Variants in ERC1 observed in about 807,000 individuals in gnomAD.
The protein encoded by ERC1 is ELKS/RAB6-interacting/CAST family member 1, also known as RAB6 interacting protein 2.
ERC1 carries 56 observed loss-of-function variants against 132.0 expected under a neutral mutation model. The observed-to-expected ratio is 0.42, with a 90% CI of 0.34 to 0.53. The LOEUF (loss-of-function observed/expected upper bound fraction) is 0.53. ERC1 is among the 20% of genes least tolerant of loss of function. ERC1 has a pLI of 0.03. For synonymous variants in ERC1, 478 were observed against 476.1 expected, an observed-to-expected ratio of 1.00 and a Z score of -0.05; for missense variants, 1,202 against 1,349.9, an observed-to-expected ratio of 0.89 and a Z score of 1.72.
intron 17 of ERC1, among the ~76,000 whole-genome samples, chr12:1,408,997 C>A (rs1307869124): frequency 2.0e-5 from 3 of 151,852 alleles, no homozygotes; most frequent in African/African-American, 4.8e-5. Context: ...AAAAAAAAAA[C>A]CAGTCAGGTA....
At chr12:1,444,472 G>T (rs930358418) in intron 17 of ERC1, 90 bp from the exon 18 acceptor site, 2 of 883,558 alleles carry the variant, frequency 2.3e-6, no homozygotes, top group Admixed American at 2.8e-5. Context: ...TCTTTGACTT[G>T]GAAAGCATAA....
chr12:1,041,841 T>A (rs1484297772), intron 2 of ERC1, among the ~76,000 whole-genome samples: 1 of 152,210 alleles, frequency 6.6e-6, no homozygotes, highest in Non-Finnish European at 1.5e-5. Context: ...AGAGGTTCTT[T>A]GGGTGGGCTG....
intron 15 of ERC1, among the ~76,000 whole-genome samples, chr12:1,342,618 T>G (rs1429209911): frequency 6.6e-6 from 1 of 152,192 alleles, no homozygotes; most frequent in East Asian, 1.9e-4. Flanking sequence ...GTACAGACCC[T>G]CCTAGTCTTT....
intron 13 of ERC1, among the ~76,000 whole-genome samples, chr12:1,255,620 C>CATTTTTTTT (rs1566399407): frequency 5.8e-5 from 5 of 86,436 alleles, no homozygotes; most frequent in Non-Finnish European, 1.4e-4. Flanking sequence ...TGCTTCCTGG[C>CATTTTTTTT]CTTTTTTTTT....
chr12:1,046,283 A>C (rs750320314), intron 2 of ERC1, among the ~76,000 whole-genome samples: 1 of 152,198 alleles, frequency 6.6e-6, no homozygotes, highest in Non-Finnish European at 1.5e-5. Flanking sequence ...TATTAAGGCA[A>C]CTTGGTCATG....
At chr12:1,026,740 T>G (rs1462463572) in intron 1 of ERC1, among the ~76,000 whole-genome samples, 1 of 152,244 alleles carries the variant, frequency 6.6e-6, no homozygotes, top group African/African-American at 2.4e-5. Context: ...GTTTTTGGAT[T>G]TTTGCAGTAC....
intron 18 of ERC1, among the ~76,000 whole-genome samples, chr12:1,451,610 A>T (rs2093426995): frequency 6.6e-6 from 1 of 152,212 alleles, no homozygotes. Flanking sequence ...GGGCTGCAGA[A>T]TGAGACCCTG....
intron 16 of ERC1, chr12:1,386,920 G>A (rs1036472578): frequency 2.0e-5 from 3 of 152,248 alleles, no homozygotes; most frequent in African/African-American, 7.2e-5. Context: ...GGGACCCAGA[G>A]GCAGAAGCCA....
chr12:1,203,674 C>T (rs183777130), intron 12 of ERC1, among the ~76,000 whole-genome samples: 1 of 152,236 alleles, frequency 6.6e-6, no homozygotes. Flanking sequence ...CGTTAGAAGC[C>T]CTAACTATTT....
intron 14 of ERC1, among the ~76,000 whole-genome samples, chr12:1,278,102 G>C (rs2154335167): frequency 6.6e-6 from 1 of 152,286 alleles, no homozygotes; most frequent in Admixed American, 6.5e-5. Context: ...CATGGTGACA[G>C]CTGGTTACAA....
rs56939346 is a variant in ERC1, at chr12:1,493,548, A to AAATATATATATAT, written c.*3319_*3320insATATATATATATA. On this transcript the variant is annotated 3_prime_UTR_variant, in exon 19 of 19. Coordinates refer to ENST00000360905, the MANE Select transcript of ERC1 (RefSeq NM_178040.4). ...ACTCCATTTAAAAAAAAAAAAAAAA[A>AAATATATATATAT]ATATATATATATATATATATATATA... 1.6e-3 allele frequency: 22 copies of AAATATATATATAT among 13,612 alleles called. No homozygotes were observed. Among genetic ancestry groups the AAATATATATATAT allele is most frequent in the Admixed American group, 3.1e-3 (3 of 974 alleles). 0.8% of individuals were successfully genotyped at this position (13,612 alleles called of 1,614,324 possible).
intron 8 of ERC1, among the ~76,000 whole-genome samples, chr12:1,168,385 A>G (rs1952665353): frequency 6.6e-6 from 1 of 152,000 alleles, no homozygotes; most frequent in Non-Finnish European, 1.5e-5. Flanking sequence ...CAGCCTTATG[A>G]AGTGCTGGGA....
chr12:1,408,288 C>T (rs1197554024), intron 17 of ERC1, 41 bp downstream of exon 17: 4 of 1,463,272 alleles, frequency 2.7e-6, no homozygotes, highest in South Asian at 1.2e-5. Context: ...AACCCACACA[C>T]TTAAATTTTG....
chr12:1,467,425 G>T (rs2093765441), intron 18 of ERC1, among the ~76,000 whole-genome samples: 2 of 152,096 alleles, frequency 1.3e-5, no homozygotes, highest in South Asian at 2.1e-4. Flanking sequence ...AAAAGGGAGG[G>T]ACCCAATGGC....
chr12:1,333,712 A>G (rs551951694), intron 15 of ERC1, among the ~76,000 whole-genome samples: 26 of 152,278 alleles, frequency 1.7e-4, no homozygotes, highest in African/African-American at 6.3e-4. Context: ...TGCAGTGAAC[A>G]TACACGTGCA....
chr12:1,144,591 T>C (rs1013689611), intron 8 of ERC1, among the ~76,000 whole-genome samples: 1 of 150,916 alleles, frequency 6.6e-6, no homozygotes, highest in Admixed American at 6.6e-5. Flanking sequence ...TCGTTCCTTT[T>C]TATGGCTGAG....
At chr12:1,318,845 A>G (rs1429834125) in intron 15 of ERC1, among the ~76,000 whole-genome samples, 1 of 151,400 alleles carries the variant, frequency 6.6e-6, no homozygotes, top group Non-Finnish European at 1.5e-5. Context: ...AGGCCTCCAC[A>G]GAGATCAGTT....
At position 1,491,553 on chromosome 12, in the gene ERC1, G is replaced by A. The variant is rs1028302033; in HGVS notation, c.*1323G>A. On this transcript the variant is annotated 3_prime_UTR_variant, in exon 19 of 19. Transcript: ENST00000360905. ...ATGTCCTTCCCCTCCCCGATCTTAA[G>A]GTGTGTTTTCTAGAAAAGTTCCCTA... The A allele has an allele frequency of 4.4e-6, 1 of 229,488 alleles. No homozygotes were observed. The highest frequency in any genetic ancestry group is 2.2e-5 in the African/African-American group (1 of 44,830). 14.2% of individuals were successfully genotyped at this position (229,488 alleles called of 1,614,324 possible). A position where few individuals can be genotyped will look rare whatever the true frequency, so the allele number is the denominator to read the frequency against.
At chr12:1,009,442 GGGATT>G (rs1174061560) in intron 1 of ERC1, among the ~76,000 whole-genome samples, 3 of 152,132 alleles carry the variant, frequency 2.0e-5, no homozygotes, top group African/African-American at 4.8e-5. Context: ...CCAAAGTGCT[GGGATT>G]ACAGGCGTGA....
Sources: gnomAD v4.1 joint callset for allele counts (sites outside exome capture counted in the v4.1 genomes callset) on GRCh38, gnomAD v4.1.1 for gene constraint, MANE v1.5 for transcripts, NCBI Gene and HGNC (gene_info 2026-07-23, HGNC 2026-07-21) for gene names.